CSMD1: variants seen among roughly 807,000 people sequenced by gnomAD.
The protein encoded by CSMD1 is CUB and sushi domain-containing protein 1.
A neutral mutation model predicts 417.5 loss-of-function variants in CSMD1; 213 were observed. The ratio of observed to expected loss-of-function variants is 0.51; its 90% confidence interval spans 0.46 to 0.57. CSMD1 has a LOEUF of 0.57. Among genes scored for constraint, CSMD1 ranks in the 20% least tolerant of loss-of-function variants. The pLI, the probability that CSMD1 is intolerant of heterozygous loss-of-function variation, is 0.00. For synonymous variants in CSMD1, 2,862 were observed against 1,736.8 expected (o/e 1.65, Z -16.11); for missense variants, 6,923 against 4,529.7 (o/e 1.53, Z -15.17).
chr8:4,207,369 G>C (rs1335069682), intron 3 of CSMD1, among the ~76,000 whole-genome samples: 1 of 152,054 alleles, frequency 6.6e-6, no homozygotes, highest in African/African-American at 2.4e-5. Context: ...TAATAGTTTA[G>C]ATAAATTCAC....
chr8:3,693,053 C>T (rs1348853776), intron 7 of CSMD1, among the ~76,000 whole-genome samples: 2 of 152,048 alleles, frequency 1.3e-5, no homozygotes, highest in African/African-American at 2.4e-5. Context: ...TAAAGTTCTT[C>T]TTAGTAATAA....
At chr8:4,238,318 T>C (rs1178055828) in intron 3 of CSMD1, among the ~76,000 whole-genome samples, 1 of 152,170 alleles carries the variant, frequency 6.6e-6, no homozygotes, top group East Asian at 1.9e-4. Flanking sequence ...TTGGTCCTCC[T>C]CAGCATGTGC....
At chr8:3,407,049 G>A (rs956070483) in intron 14 of CSMD1, among the ~76,000 whole-genome samples, 1 of 152,108 alleles carries the variant, frequency 6.6e-6, no homozygotes, top group African/African-American at 2.4e-5. Context: ...AAGGAAGAAT[G>A]GCTGGCTGGC....
intron 5 of CSMD1, among the ~76,000 whole-genome samples, chr8:3,937,390 C>G (rs962064453): frequency 6.6e-6 from 1 of 152,102 alleles, no homozygotes; most frequent in African/African-American, 2.4e-5. Flanking sequence ...TTACTGTTGT[C>G]TTATTTTAAG....
At chr8:3,220,150 C>CAAAAAAAAAAAAA (rs756296256) in intron 28 of CSMD1, among the ~76,000 whole-genome samples, 44 of 114,132 alleles carry the variant, frequency 3.9e-4, no homozygotes, top group African/African-American at 1.3e-3. Context: ...AAGACCCTGT[C>CAAAAAAAAAAAAA]AAAAAAAAAA....
At chr8:4,638,065 T>A (rs1358338694) in intron 1 of CSMD1, among the ~76,000 whole-genome samples, 1 of 152,152 alleles carries the variant, frequency 6.6e-6, no homozygotes, top group African/African-American at 2.4e-5. Flanking sequence ...AACAACAAAT[T>A]AAAAGAAAAT....
At chr8:4,021,283 A>C (rs536136431) in intron 4 of CSMD1, among the ~76,000 whole-genome samples, 2 of 152,352 alleles carry the variant, frequency 1.3e-5, no homozygotes, top group Non-Finnish European at 2.9e-5. Flanking sequence ...CATTAAAATT[A>C]TAATCCTTTG....
rs976833748 is a variant in CSMD1, at chr8:4,152,408, G to T, written c.416-120309C>A. Among the ~76,000 whole-genome samples the T allele has an allele frequency of 2.0e-5, 3 of 152,078 alleles. No homozygotes were observed. In the South Asian group the frequency reaches 6.2e-4, roughly 31 times the overall value. On this transcript the variant is annotated intron_variant, in intron 3 of 69. Transcript: ENST00000635120. ...AAATCCCTTACTTAGGCCAGGCACA[G>T]TGGCTCACACCTGTAATCCCAGCAA...
chr8:3,304,592 T>TTTAAATTTAATAGATGTATTTATAA (rs1804669404), intron 25 of CSMD1, among the ~76,000 whole-genome samples: 1 of 152,180 alleles, frequency 6.6e-6, no homozygotes, highest in Admixed American at 6.5e-5. Context: ...AAGTTTATGC[T>TTTAAATTTAATAGATGTATTTATAA]TTAAATTTAA....
intron 6 of CSMD1, among the ~76,000 whole-genome samples, chr8:3,724,214 ATACTTT>A (rs1802358425): frequency 6.6e-6 from 1 of 151,474 alleles, no homozygotes; most frequent in East Asian, 1.9e-4. Flanking sequence ...TTTTATTATT[ATACTTT>A]AAGTTTTAGG....
intron 3 of CSMD1, among the ~76,000 whole-genome samples, chr8:4,071,752 C>T (rs1363925911): frequency 2.0e-5 from 3 of 152,136 alleles, no homozygotes; most frequent in East Asian, 1.9e-4. Flanking sequence ...ATATTTATTT[C>T]GTCTTTGGGG....
rs76344124 is a variant in CSMD1 at position 4,447,388 on chromosome 8, G to C, written c.303-27323C>G. Among the ~76,000 whole-genome samples, 1,213 of 152,256 alleles carry C rather than the reference G, an allele frequency of 8.0e-3. 6 individuals carry two copies. Among genetic ancestry groups the C allele is most frequent in the Non-Finnish European group, 0.013 (859 of 68,020 alleles). ...AAATAGAAATCCCTTTCAGCTCCTT[G>C]AATGATTGGGAAAGGAAGCCTGAAG... On this transcript the variant is annotated intron_variant, in intron 2 of 69. Transcript: ENST00000635120.
At chr8:4,858,256 G>A (rs554918093) in intron 1 of CSMD1, among the ~76,000 whole-genome samples, 23 of 150,938 alleles carry the variant, frequency 1.5e-4, no homozygotes, top group African/African-American at 5.6e-4. Context: ...GTATTGATGG[G>A]ACGTATTTCA....
At chr8:3,888,025 AT>A (rs1806680462) in intron 5 of CSMD1, among the ~76,000 whole-genome samples, 1 of 152,154 alleles carries the variant, frequency 6.6e-6, no homozygotes, top group South Asian at 2.1e-4. Flanking sequence ...TGGCAGAGAA[AT>A]TAATTAAACG....
intron 5 of CSMD1, among the ~76,000 whole-genome samples, chr8:3,930,689 T>C (rs1294819853): frequency 1.3e-5 from 2 of 150,368 alleles, no homozygotes; most frequent in Non-Finnish European, 3.0e-5. Context: ...CTGGCAAGTG[T>C]ACCCTTTCTG....
chr8:4,060,788 G>C (rs543112480), intron 3 of CSMD1, among the ~76,000 whole-genome samples: 1 of 151,936 alleles, frequency 6.6e-6, no homozygotes, highest in Non-Finnish European at 1.5e-5. Context: ...AGGACCCTGA[G>C]ATTAAAAAAA....
At chr8:4,223,702 A>G (rs920196135) in intron 3 of CSMD1, among the ~76,000 whole-genome samples, 28 of 152,172 alleles carry the variant, frequency 1.8e-4, no homozygotes, top group Admixed American at 1.3e-4. Flanking sequence ...GAGCCTGAAT[A>G]TTTTTTTGTT....
intron 49 of CSMD1, among the ~76,000 whole-genome samples, chr8:3,076,196 C>G (rs934229540): frequency 6.6e-6 from 1 of 152,174 alleles, no homozygotes; most frequent in African/African-American, 2.4e-5. Context: ...GAAGTCCCAC[C>G]GCAGGTGTCG....
At chr8:3,431,680 T>C (rs1413115161) in intron 12 of CSMD1, among the ~76,000 whole-genome samples, 1 of 152,236 alleles carries the variant, frequency 6.6e-6, no homozygotes, top group African/African-American at 2.4e-5. Context: ...CGGTAACATA[T>C]GACCCATAGT....
Sources: allele counts gnomAD v4.1 joint callset (sites outside exome capture counted in the v4.1 genomes callset), GRCh38; gene constraint gnomAD v4.1.1; transcripts MANE v1.5; gene names NCBI Gene and HGNC (gene_info 2026-07-23, HGNC 2026-07-21).